COL19A1: variants seen among roughly 807,000 people sequenced by gnomAD.
The protein encoded by COL19A1 is collagen alpha-1(XIX) chain.
COL19A1 carries 159 observed loss-of-function variants against 190.2 expected under a neutral mutation model. The ratio of observed to expected loss-of-function variants is 0.84; its 90% CI spans 0.73 to 0.95. The LOEUF is 0.95. COL19A1 is among the 40% of genes least tolerant of loss of function. COL19A1 has a pLI of 0.00. For missense variants in COL19A1, 1,418 were observed against 1,431.9 expected, an observed-to-expected ratio of 0.99 and a Z score of 0.16; for synonymous variants, 509 against 458.9, an observed-to-expected ratio of 1.11 and a Z score of -1.39.
chr6:69,994,544 T>C (rs948098243), intron 11 of COL19A1, among the ~76,000 whole-genome samples: 2 of 152,132 alleles, frequency 1.3e-5, no homozygotes, highest in African/African-American at 4.8e-5. Context: ...CAGATGAGTA[T>C]AAAATTTCAT....
intron 11 of COL19A1, among the ~76,000 whole-genome samples, chr6:69,964,264 C>G (rs965066673): frequency 6.6e-6 from 1 of 152,040 alleles, no homozygotes; most frequent in Non-Finnish European, 1.5e-5. Flanking sequence ...AAAGAATGGC[C>G]TTATAATAAC....
At chr6:70,103,777 A>G (rs1286682651) in intron 16 of COL19A1, among the ~76,000 whole-genome samples, 2 of 152,266 alleles carry the variant, frequency 1.3e-5, no homozygotes, top group East Asian at 1.9e-4. Flanking sequence ...CAGACACGGC[A>G]TGTTACTTTG....
At chr6:70,063,484 G>A (rs1780972316) in intron 14 of COL19A1, among the ~76,000 whole-genome samples, 1 of 152,206 alleles carries the variant, frequency 6.6e-6, no homozygotes, top group East Asian at 1.9e-4. Flanking sequence ...TTAAAGCAGT[G>A]TGTAGAGGGA....
intron 14 of COL19A1, among the ~76,000 whole-genome samples, chr6:70,050,568 GACAA>G (rs561368895): frequency 1.1e-4 from 17 of 152,006 alleles, no homozygotes; most frequent in African/African-American, 3.4e-4. Context: ...ATTTTTTACT[GACAA>G]ACAAATTATT....
intron 48 of COL19A1, among the ~76,000 whole-genome samples, chr6:70,191,797 A>T (rs1032130073): frequency 2.0e-5 from 3 of 152,180 alleles, no homozygotes; most frequent in Non-Finnish European, 4.4e-5. Flanking sequence ...TAAGCCAAAA[A>T]TAGATTGTTG....
intron 11 of COL19A1, among the ~76,000 whole-genome samples, chr6:69,965,647 C>T (rs756314740): frequency 6.6e-6 from 1 of 152,160 alleles, no homozygotes; most frequent in Admixed American, 6.5e-5. Flanking sequence ...CCAAATTAGT[C>T]CTGAAGTGAA....
At chr6:70,177,066 G>A (rs532691428) in intron 42 of COL19A1, among the ~76,000 whole-genome samples, 2 of 151,946 alleles carry the variant, frequency 1.3e-5, no homozygotes, top group Non-Finnish European at 2.9e-5. Flanking sequence ...CATTTTTGTT[G>A]CTCTCTGGTG....
In COL19A1 at chr6:70,174,559, CAA is replaced by C. The variant is rs71536501; in HGVS notation, c.2623-1950_2623-1949del. Among the ~76,000 whole-genome samples, 33 of 140,394 alleles carry C rather than the reference CAA, an allele frequency of 2.4e-4. 1 individual carries two copies. The highest frequency in any genetic ancestry group is 7.4e-4 in the African/African-American group (28 of 38,016). 92.1% of individuals were successfully genotyped at this position (140,394 alleles called of 152,430 possible). A position where few individuals can be genotyped will look rare whatever the true frequency, so the allele number is the denominator to read the frequency against. On this transcript the variant is annotated intron_variant, in intron 41 of 50. Transcript: ENST00000620364. ...TGGGTGATAGAGCCAGACTCCGTCTCAAAAAAAAAAAACAAAAAAAACAGGAC... is the reference window on the plus strand; with the variant it reads ...TGGGTGATAGAGCCAGACTCCGTCTCAAAAAAAAAACAAAAAAAACAGGAC...
At chr6:69,999,859 A>G (rs531517446) in intron 11 of COL19A1, among the ~76,000 whole-genome samples, 22 of 152,108 alleles carry the variant, frequency 1.4e-4, no homozygotes, top group Non-Finnish European at 2.5e-4. Context: ...AGTACACTAT[A>G]TATGTATTTT....
chr6:69,901,995 T>C (rs905178793), intron 4 of COL19A1, among the ~76,000 whole-genome samples: 1 of 152,230 alleles, frequency 6.6e-6, no homozygotes, highest in African/African-American at 2.4e-5. Flanking sequence ...ATTTGTTTTC[T>C]GAATTTTGGG....
chr6:70,201,649 C>T (rs1048332746), intron 49 of COL19A1, among the ~76,000 whole-genome samples: 8 of 152,092 alleles, frequency 5.3e-5, no homozygotes, highest in African/African-American at 1.9e-4. Flanking sequence ...GTCTCCTTAA[C>T]CTTTACATAA....
intron 11 of COL19A1, among the ~76,000 whole-genome samples, chr6:70,013,607 T>C (rs1778025454): frequency 2.8e-5 from 1 of 35,488 alleles, no homozygotes. Context: ...AACTAGAAAA[T>C]CTAGAAGAAA....
intron 4 of COL19A1, among the ~76,000 whole-genome samples, chr6:69,913,727 G>T (rs1483761482): frequency 6.6e-6 from 1 of 152,148 alleles, no homozygotes; most frequent in African/African-American, 2.4e-5. Context: ...TTGCTGGCAT[G>T]AGGGGTTTGA....
In COL19A1 at chr6:70,100,208, T is replaced by A. The variant is rs77057958; in HGVS notation, c.1225-1961T>A. 4.4e-4 allele frequency among the ~76,000 whole-genome samples: 67 copies of A among 152,326 alleles called. No homozygotes were observed. The East Asian group carries it at 0.011, about 25-fold the overall frequency. ...GGAAAGAACCAATCACTTACCTAGATACCATTGATTTAGTTTCTTTGTGTT... is the reference window on the plus strand; with the variant it reads ...GGAAAGAACCAATCACTTACCTAGAAACCATTGATTTAGTTTCTTTGTGTT... On this transcript the variant is annotated intron_variant, in intron 15 of 50. Transcript: ENST00000620364.
intron 17 of COL19A1, among the ~76,000 whole-genome samples, chr6:70,124,494 G>A (rs1436356449): frequency 6.6e-6 from 1 of 150,776 alleles, no homozygotes; most frequent in Non-Finnish European, 1.5e-5. Context: ...GATATATGGA[G>A]CATTTATATT....
intron 1 of COL19A1, among the ~76,000 whole-genome samples, chr6:69,867,814 G>A (rs1767569403): frequency 6.6e-6 from 1 of 152,082 alleles, no homozygotes; most frequent in Admixed American, 6.5e-5. Flanking sequence ...GTGGGCTGGA[G>A]AGCAAAAAGA....
intron 11 of COL19A1, among the ~76,000 whole-genome samples, chr6:69,996,312 A>C (rs1300547210): frequency 6.6e-6 from 1 of 152,148 alleles, no homozygotes; most frequent in African/African-American, 2.4e-5. Flanking sequence ...GTTTCCAAGC[A>C]CTAGACTCAG....
Position 70,052,865 on chromosome 6 carries a change from A to G in COL19A1, c.1171-15558A>G, listed in dbSNP as rs545409759. Among the ~76,000 whole-genome samples, 8 of 152,300 alleles carry G rather than the reference A, an allele frequency of 5.3e-5. No individual in the cohort carries two copies. In the East Asian group the frequency reaches 1.5e-3, roughly 29 times the overall value. ...CTTGCTTTAAGAGCTCAGCTCCACCATTTATTTACCATGTTATCTTTAGAG... is the reference window on the plus strand; with the variant it reads ...CTTGCTTTAAGAGCTCAGCTCCACCGTTTATTTACCATGTTATCTTTAGAG... On this transcript the variant is annotated intron_variant, in intron 14 of 50. Coordinates refer to ENST00000620364, the MANE Select transcript of COL19A1 (RefSeq NM_001858.6).
At chr6:69,872,280 CA>C (rs1283262034) in intron 1 of COL19A1, among the ~76,000 whole-genome samples, 1 of 151,920 alleles carries the variant, frequency 6.6e-6, no homozygotes, top group Non-Finnish European at 1.5e-5. Context: ...GATTTATCCC[CA>C]GTGATTGTTA....
Sources: allele counts gnomAD v4.1 joint callset (sites outside exome capture counted in the v4.1 genomes callset), GRCh38; gene constraint gnomAD v4.1.1; transcripts MANE v1.5; gene names NCBI Gene and HGNC (gene_info 2026-07-23, HGNC 2026-07-21).